Variants in GRID2 observed in about 807,000 individuals in gnomAD.
GRID2 encodes glutamate ionotropic receptor delta type subunit 2, also known as glutamate receptor ionotropic, delta-2.
Under a neutral mutation model 114.8 loss-of-function variants are expected in GRID2, and 33 were observed. That is an observed-to-expected ratio of 0.29 (90% CI 0.22 to 0.38). GRID2 has a LOEUF of 0.38. Among genes scored for constraint, GRID2 ranks in the 10% least tolerant of loss-of-function variants. The probability of loss-of-function intolerance (pLI) is 1.00; values close to 1 mark genes in which losing one functional copy is unlikely to be tolerated. For missense variants in GRID2, 1,184 were observed against 1,257.7 expected (o/e 0.94, Z 0.89); for synonymous variants, 505 against 449.9 (o/e 1.12, Z -1.55).
chr4:92,952,348 AGAC>A (rs757932025), intron 2 of GRID2, among the ~76,000 whole-genome samples: 16 of 152,202 alleles, frequency 1.1e-4, no homozygotes, highest in African/African-American at 3.4e-4. Context: ...TATCAATCGT[AGAC>A]GACCTTTATT....
chr4:93,544,886 A>G (rs1733059316), intron 13 of GRID2, among the ~76,000 whole-genome samples: 1 of 152,172 alleles, frequency 6.6e-6, no homozygotes, highest in Non-Finnish European at 1.5e-5. Flanking sequence ...ACTCGTGGCT[A>G]TCTGACCCCA....
intron 2 of GRID2, among the ~76,000 whole-genome samples, chr4:92,652,846 T>C (rs1053217423): frequency 1.6e-5 from 2 of 125,830 alleles, no homozygotes; most frequent in Non-Finnish European, 3.4e-5. Flanking sequence ...TTTATAAATA[T>C]ATATATAATA....
chr4:93,358,628 C>T (rs1761575531), intron 8 of GRID2, among the ~76,000 whole-genome samples: 2 of 151,872 alleles, frequency 1.3e-5, no homozygotes, highest in African/African-American at 4.8e-5. Context: ...CAAAAAAGTG[C>T]TGATAAAACA....
intron 2 of GRID2, among the ~76,000 whole-genome samples, chr4:92,648,473 A>G (rs1359736131): frequency 1.3e-5 from 2 of 149,816 alleles, no homozygotes; most frequent in African/African-American, 5.0e-5. Flanking sequence ...TTAATAAACA[A>G]CATACATTTA....
At chr4:93,520,874 G>A (rs746706378) in intron 13 of GRID2, among the ~76,000 whole-genome samples, 2 of 152,078 alleles carry the variant, frequency 1.3e-5, no homozygotes, top group Non-Finnish European at 2.9e-5. Flanking sequence ...GAAGAGTGAC[G>A]CAACATAACT....
intron 2 of GRID2, among the ~76,000 whole-genome samples, chr4:92,792,770 A>G (rs139953407): frequency 1.3e-5 from 2 of 151,864 alleles, no homozygotes; most frequent in Admixed American, 6.6e-5. Context: ...AAGTTACTAT[A>G]TTTTAATTTT....
At chr4:93,573,229 A>G (rs1372320333) in intron 13 of GRID2, among the ~76,000 whole-genome samples, 1 of 152,130 alleles carries the variant, frequency 6.6e-6, no homozygotes, top group Non-Finnish European at 1.5e-5. Flanking sequence ...TTTCATCACT[A>G]GGCCCCTATT....
chr4:92,751,949 G>A (rs1183430693), intron 2 of GRID2, among the ~76,000 whole-genome samples: 1 of 152,164 alleles, frequency 6.6e-6, no homozygotes, highest in Non-Finnish European at 1.5e-5. Flanking sequence ...ATGGCCAGAT[G>A]AGCCAGTGTT....
intron 2 of GRID2, among the ~76,000 whole-genome samples, chr4:93,012,166 C>T (rs1722244935): frequency 6.6e-6 from 1 of 151,314 alleles, no homozygotes; most frequent in Non-Finnish European, 1.5e-5. Flanking sequence ...TTCCCTGGTG[C>T]AGGTTTTACC....
chr4:93,505,015 A>C (rs1027403940), intron 12 of GRID2, among the ~76,000 whole-genome samples: 23 of 152,214 alleles, frequency 1.5e-4, no homozygotes, highest in African/African-American at 5.1e-4. Flanking sequence ...TCTGTGAAAC[A>C]GGAGATTTTG....
At chr4:93,049,357 C>T (rs1169898971) in intron 2 of GRID2, among the ~76,000 whole-genome samples, 1 of 151,930 alleles carries the variant, frequency 6.6e-6, no homozygotes. Context: ...CACGCAGATT[C>T]AGTTATGTCC....
At chr4:92,658,776 T>G (rs1185549880) in intron 2 of GRID2, among the ~76,000 whole-genome samples, 1 of 98,330 alleles carries the variant, frequency 1.0e-5, no homozygotes, top group African/African-American at 4.2e-5. Context: ...TGTGTTTGCA[T>G]GTATGTGTGT....
At chr4:93,439,559 A>G (rs1721429920) in intron 10 of GRID2, among the ~76,000 whole-genome samples, 1 of 152,088 alleles carries the variant, frequency 6.6e-6, no homozygotes. Context: ...CTAAAAGTTT[A>G]GGAAACATAG....
chr4:93,399,994 G>A (rs183587144), intron 9 of GRID2, among the ~76,000 whole-genome samples: 32 of 152,166 alleles, frequency 2.1e-4, no homozygotes, highest in African/African-American at 7.2e-4. Context: ...TTTCATATGA[G>A]TGGCACTAAT....
intron 4 of GRID2, among the ~76,000 whole-genome samples, chr4:93,114,639 C>A (rs1419510890): frequency 6.6e-6 from 1 of 152,272 alleles, no homozygotes; most frequent in East Asian, 1.9e-4. Context: ...CTCTGACCTG[C>A]AAGATGGTTC....
intron 9 of GRID2, among the ~76,000 whole-genome samples, chr4:93,407,647 C>T (rs1306861401): frequency 2.6e-5 from 4 of 150,974 alleles, no homozygotes; most frequent in East Asian, 1.9e-4. Flanking sequence ...GAAGTTAGCA[C>T]GAGCAAAGGA....
At chr4:92,663,212 T>C (rs1579795201) in intron 2 of GRID2, among the ~76,000 whole-genome samples, 1 of 151,036 alleles carries the variant, frequency 6.6e-6, no homozygotes, top group Non-Finnish European at 1.5e-5. Context: ...ACAAGAGTAA[T>C]TTCAAGTAGC....
At chr4:93,477,945 T>C (rs1725477593) in intron 11 of GRID2, among the ~76,000 whole-genome samples, 1 of 152,160 alleles carries the variant, frequency 6.6e-6, no homozygotes, top group Non-Finnish European at 1.5e-5. Context: ...TACTCACCCA[T>C]ATGTTCTTAA....
chr4:93,182,597 T>C (rs1263136629), intron 4 of GRID2, among the ~76,000 whole-genome samples: 1 of 152,226 alleles, frequency 6.6e-6, no homozygotes, highest in East Asian at 1.9e-4. Flanking sequence ...CAAAATAGTT[T>C]TTAAAACATG....
Sources: gnomAD v4.1 joint callset for allele counts (sites outside exome capture counted in the v4.1 genomes callset) on GRCh38, gnomAD v4.1.1 for gene constraint, MANE v1.5 for transcripts, NCBI Gene and HGNC (gene_info 2026-07-23, HGNC 2026-07-21) for gene names.